LRRC4C: variants seen among roughly 807,000 people sequenced by gnomAD.
LRRC4C encodes the protein leucine rich repeat containing 4C, also known as leucine-rich repeat-containing protein 4C.
Under a neutral mutation model 33.6 loss-of-function variants are expected in LRRC4C, and 5 were observed. That is an observed-to-expected ratio of 0.15 (90% CI 0.08 to 0.31). The LOEUF is 0.31. Ranked by LOEUF, LRRC4C falls within the 10% of genes least tolerant of loss-of-function variation. The pLI, the probability that LRRC4C is intolerant of heterozygous loss-of-function variation, is 1.00. For missense variants in LRRC4C, 560 were observed against 796.7 expected (o/e 0.70, Z 3.58); for synonymous variants, 329 against 302.0 (o/e 1.09, Z -0.93).
At chr11:41,175,626 G>T (rs1237799799) in intron 1 of LRRC4C, among the ~76,000 whole-genome samples, 1 of 152,094 alleles carries the variant, frequency 6.6e-6, no homozygotes, top group Non-Finnish European at 1.5e-5. Flanking sequence ...CTTCAAGAGG[G>T]TGGATAAATT....
intron 3 of LRRC4C, among the ~76,000 whole-genome samples, chr11:40,465,453 T>C (rs1033948548): frequency 6.6e-6 from 1 of 151,522 alleles, no homozygotes; most frequent in Non-Finnish European, 1.5e-5. Flanking sequence ...ACCAAAAACA[T>C]TTAATTAAAC....
At chr11:40,672,379 T>G (rs926245423) in intron 2 of LRRC4C, among the ~76,000 whole-genome samples, 1 of 152,186 alleles carries the variant, frequency 6.6e-6, no homozygotes, top group African/African-American at 2.4e-5. Context: ...AGTTAGAATT[T>G]CAGCATATGA....
intron 1 of LRRC4C, among the ~76,000 whole-genome samples, chr11:41,017,039 T>C (rs1038421987): frequency 6.6e-6 from 1 of 152,182 alleles, no homozygotes; most frequent in Non-Finnish European, 1.5e-5. Context: ...AGGGGTAGGA[T>C]CAGTTGATAC....
chr11:40,828,338 T>C (rs559991762), intron 2 of LRRC4C, among the ~76,000 whole-genome samples: 3 of 151,926 alleles, frequency 2.0e-5, no homozygotes, highest in East Asian at 1.9e-4. Flanking sequence ...ATTAGAATTA[T>C]GCAACTAGGA....
At chr11:41,035,242 A>T (rs1856995411) in intron 1 of LRRC4C, among the ~76,000 whole-genome samples, 2 of 151,776 alleles carry the variant, frequency 1.3e-5, no homozygotes, top group Admixed American at 1.3e-4. Context: ...AATAAATAAA[A>T]AATGCTTCCT....
At chr11:40,482,715 C>T (rs1953649006) in intron 3 of LRRC4C, among the ~76,000 whole-genome samples, 1 of 152,058 alleles carries the variant, frequency 6.6e-6, no homozygotes, top group Non-Finnish European at 1.5e-5. Flanking sequence ...AAGCAATCTG[C>T]CTGCCTTGGT....
intron 3 of LRRC4C, among the ~76,000 whole-genome samples, chr11:40,614,223 GTTGT>G (rs199636087): frequency 0.015 from 2,322 of 151,956 alleles, 63 homozygotes; most frequent in African/African-American, 0.053. Flanking sequence ...TTGAAAATCT[GTTGT>G]TTGGTGTAGC....
rs77685535 is a variant in LRRC4C at position 40,828,563 on chromosome 11, A to G, written c.-407+105072T>C. On this transcript the variant is annotated intron_variant, in intron 2 of 6. Transcript: ENST00000528697. ...AAATGGAAACATTCAGGTTTTTAGC[A>G]TTAAGTGATTTGGATATGGAAAAGT... Among the ~76,000 whole-genome samples, 343 of 152,048 alleles carry G rather than the reference A, an allele frequency of 2.3e-3. 1 individual carries two copies. Among genetic ancestry groups the G allele is most frequent in the Non-Finnish European group, 3.9e-3 (264 of 67,888 alleles).
intron 1 of LRRC4C, among the ~76,000 whole-genome samples, chr11:41,127,900 T>A (rs1358659663): frequency 6.6e-6 from 1 of 152,098 alleles, no homozygotes; most frequent in Non-Finnish European, 1.5e-5. Context: ...GATTTGGGGA[T>A]GTTTGTTATT....
At chr11:40,854,462 T>G (rs1429052575) in intron 2 of LRRC4C, among the ~76,000 whole-genome samples, 5 of 152,210 alleles carry the variant, frequency 3.3e-5, no homozygotes, top group African/African-American at 1.2e-4. Flanking sequence ...GGCTAGGGTC[T>G]TCAGTCAGAC....
intron 1 of LRRC4C, among the ~76,000 whole-genome samples, chr11:41,288,761 T>C (rs1949908580): frequency 6.6e-6 from 1 of 152,162 alleles, no homozygotes; most frequent in African/African-American, 2.4e-5. Flanking sequence ...GCTGGGGTCT[T>C]ATTTGAGGCT....
intron 4 of LRRC4C, among the ~76,000 whole-genome samples, chr11:40,297,656 T>C (rs1944579581): frequency 6.6e-6 from 1 of 152,096 alleles, no homozygotes; most frequent in African/African-American, 2.4e-5. Flanking sequence ...TCATCCCATA[T>C]AGTCTTATTT....
intron 2 of LRRC4C, among the ~76,000 whole-genome samples, chr11:40,690,345 G>A (rs57682359): frequency 0.38 from 57,969 of 151,948 alleles, 13,400 homozygotes; most frequent in East Asian, 0.57. Flanking sequence ...CTAAGTGACA[G>A]TGATAGGATA....
intron 3 of LRRC4C, among the ~76,000 whole-genome samples, chr11:40,438,867 A>T (rs1344487522): frequency 6.6e-6 from 1 of 151,878 alleles, no homozygotes; most frequent in Non-Finnish European, 1.5e-5. Context: ...TTGGAAATAA[A>T]ATTGGGATCA....
intron 2 of LRRC4C, among the ~76,000 whole-genome samples, chr11:40,851,079 T>A (rs1171878892): frequency 1.3e-5 from 2 of 152,114 alleles, no homozygotes; most frequent in Non-Finnish European, 2.9e-5. Context: ...GGCGGTACGA[T>A]CCACTGAACA....
intron 1 of LRRC4C, among the ~76,000 whole-genome samples, chr11:41,283,870 G>A (rs1472474369): frequency 1.3e-5 from 2 of 152,178 alleles, no homozygotes; most frequent in Non-Finnish European, 2.9e-5. Context: ...TCTTCTCTGT[G>A]TTTCAATTTC....
intron 1 of LRRC4C, among the ~76,000 whole-genome samples, chr11:41,321,155 A>G (rs961603432): frequency 5.9e-5 from 9 of 152,330 alleles, no homozygotes; most frequent in Non-Finnish European, 1.0e-4. Context: ...ACTGATTAGC[A>G]ACTTTAATTA....
chr11:41,155,141 A>T (rs1944170153), intron 1 of LRRC4C, among the ~76,000 whole-genome samples: 1 of 152,142 alleles, frequency 6.6e-6, no homozygotes. Flanking sequence ...GAGCAGCACA[A>T]GTCCTGGAGA....
chr11:40,188,502 G>A (rs942312338), intron 5 of LRRC4C, among the ~76,000 whole-genome samples: 2 of 152,170 alleles, frequency 1.3e-5, no homozygotes, highest in Non-Finnish European at 2.9e-5. Context: ...ACTGTATTGA[G>A]TTTGCATCAT....
Sources: gnomAD v4.1 joint callset for allele counts (sites outside exome capture counted in the v4.1 genomes callset) on GRCh38, gnomAD v4.1.1 for gene constraint, MANE v1.5 for transcripts, NCBI Gene and HGNC (gene_info 2026-07-23, HGNC 2026-07-21) for gene names.